Variants in APP observed in about 807,000 individuals in gnomAD.
The protein encoded by APP is amyloid-beta precursor protein.
In APP, 31 loss-of-function variants were observed where a neutral mutation model predicts 101.4. The observed-to-expected ratio is 0.31, with a 90% CI of 0.23 to 0.41. APP has a LOEUF of 0.41. Among genes scored for constraint, APP ranks in the 10% least tolerant of loss-of-function variants. The pLI, the probability that APP is intolerant of heterozygous loss-of-function variation, is 1.00. For synonymous variants in APP, 366 were observed against 364.4 expected (o/e 1.00, Z -0.05); for missense variants, 839 against 1,003.7 (o/e 0.84, Z 2.22).
chr21:25,975,355 T>C (rs2042187329), intron 10 of APP, 127 bp from the exon 11 acceptor site: 2 of 1,231,192 alleles, frequency 1.6e-6, no homozygotes, highest in East Asian at 2.4e-5. Context: ...AAAGACTGCA[T>C]AGTCATTCCA....
rs146370584 is a variant in APP at position 25,937,122 on chromosome 21, C to T, written c.1687+17468G>A. On this transcript the variant is annotated intron_variant, in intron 13 of 17. Transcript: ENST00000346798. ...TCCCAAGTTCTTCCTCCCTATCTTG[C>T]TTCATTACAGGCAGTGGGAAAAATC... 2.5e-3 allele frequency among the ~76,000 whole-genome samples: 385 copies of T among 152,236 alleles called. 1 individual carries two copies. Among genetic ancestry groups the T allele is most frequent in the South Asian group, 6.2e-3 (30 of 4,808 alleles).
chr21:26,025,646 G>A (rs537091991), intron 5 of APP, among the ~76,000 whole-genome samples: 1 of 152,268 alleles, frequency 6.6e-6, no homozygotes, highest in East Asian at 1.9e-4. Flanking sequence ...TCTGCATTCT[G>A]GTATGTGTCT....
At chr21:26,129,623 G>A (rs2062752939) in intron 1 of APP, among the ~76,000 whole-genome samples, 1 of 152,028 alleles carries the variant, frequency 6.6e-6, no homozygotes, top group African/African-American at 2.4e-5. Context: ...TCACATCCCT[G>A]GATTCCTAAA....
At chr21:25,965,144 T>C (rs1041549454) in intron 11 of APP, among the ~76,000 whole-genome samples, 6 of 152,212 alleles carry the variant, frequency 3.9e-5, no homozygotes, top group East Asian at 1.9e-4. Context: ...ATGTTTGGAC[T>C]TGTATGTCTT....
chr21:26,013,945 AG>A (rs1359859231), intron 6 of APP, among the ~76,000 whole-genome samples: 4 of 152,218 alleles, frequency 2.6e-5, no homozygotes. Flanking sequence ...ACAAAATAAC[AG>A]GCTGTTACCT....
At position 26,011,210 on chromosome 21, in the gene APP, G is replaced by A. The variant is rs2043792305; in HGVS notation, c.865+10630C>T. Among the ~76,000 whole-genome samples the A allele has an allele frequency of 2.6e-5, 4 of 152,074 alleles. No homozygotes were observed. The South Asian group carries it at 6.2e-4, about 24-fold the overall frequency. Reference sequence around the variant, plus strand: ...TTTGCCTCAGCCTCCCAAGTAGCTGGGATTATAGGCACCCATCATCATGCC... The same window carrying A: ...TTTGCCTCAGCCTCCCAAGTAGCTGAGATTATAGGCACCCATCATCATGCC... On this transcript the variant is annotated intron_variant, in intron 6 of 17. Coordinates refer to ENST00000346798, the MANE Select transcript of APP (RefSeq NM_000484.4).
chr21:25,903,828 G>A (rs1214157747), intron 15 of APP, among the ~76,000 whole-genome samples: 3 of 152,134 alleles, frequency 2.0e-5, no homozygotes, highest in Non-Finnish European at 4.4e-5. Flanking sequence ...ATAAATCAAC[G>A]AGACCAGCTG....
chr21:26,046,765 C>A (rs1165172613), intron 5 of APP, among the ~76,000 whole-genome samples: 2 of 152,140 alleles, frequency 1.3e-5, no homozygotes, highest in Non-Finnish European at 2.9e-5. Context: ...AATTCAGCAA[C>A]CCCCATGGAC....
At chr21:25,947,326 G>A (rs45529240) in intron 13 of APP, among the ~76,000 whole-genome samples, 720 of 1,504 alleles carry the variant, frequency 0.48, 8 homozygotes, top group African/African-American at 0.5. Flanking sequence ...GGGTGAGTTC[G>A]ACACCTGCAG....
At chr21:26,036,980 GTGTGTGTA>G (rs142616434) in intron 5 of APP, among the ~76,000 whole-genome samples, 16,322 of 152,070 alleles carry the variant, frequency 0.11, 1,152 homozygotes, top group East Asian at 0.3. Flanking sequence ...ATGTGTGTGT[GTGTGTGTA>G]TGTGTGTGTG....
chr21:26,094,496 TTAAA>T (rs1285842540), intron 2 of APP, among the ~76,000 whole-genome samples: 1 of 151,680 alleles, frequency 6.6e-6, no homozygotes, highest in Admixed American at 6.6e-5. Flanking sequence ...TAGGTTTTTA[TTAAA>T]TAACCCCAGT....
rs2036971460 is a variant in APP at position 25,881,341 on chromosome 21, T to A, written c.*329A>T. 5.2e-6 allele frequency: 2 copies of A among 385,390 alleles called. No homozygotes were observed. The highest frequency in any genetic ancestry group is 2.1e-5 in the African/African-American group (1 of 48,740). 23.9% of individuals were successfully genotyped at this position (385,390 alleles called of 1,614,324 possible). ...TGGGTCACAAACCACAAGAATAATA[T>A]ACAACTGGCTAAGGGGCTATGTGAT... On this transcript the variant is annotated 3_prime_UTR_variant, in exon 18 of 18. Transcript: ENST00000346798.
chr21:26,093,382 T>C (rs1387286114), intron 2 of APP, among the ~76,000 whole-genome samples: 2 of 152,154 alleles, frequency 1.3e-5, no homozygotes, highest in African/African-American at 4.8e-5. Flanking sequence ...CTGCTGAGAA[T>C]TTCCTCAGGA....
chr21:25,934,634 C>G (rs148626813), intron 13 of APP: 1 of 152,226 alleles, frequency 6.6e-6, no homozygotes, highest in Non-Finnish European at 1.5e-5. Context: ...CGGGGTTTCA[C>G]CATATTGGCC....
chr21:26,011,601 T>TA (rs2043810827), intron 6 of APP, among the ~76,000 whole-genome samples: 1 of 152,046 alleles, frequency 6.6e-6, no homozygotes, highest in South Asian at 2.1e-4. Flanking sequence ...ACATCAATAG[T>TA]ACTAAGGTCC....
At chr21:25,897,708 C>A (rs758863993) in intron 15 of APP, 35 bp from the exon 16 acceptor site, 2 of 1,543,420 alleles carry the variant, frequency 1.3e-6, no homozygotes, top group Non-Finnish European at 1.8e-6. Context: ...TGCAGGACAA[C>A]CAATTAGTTT....
At chr21:25,903,103 A>C (rs1299804499) in intron 15 of APP, among the ~76,000 whole-genome samples, 1 of 151,528 alleles carries the variant, frequency 6.6e-6, no homozygotes, top group East Asian at 1.9e-4. Context: ...CATGGTGCTT[A>C]TGCCTGTAAT....
At chr21:25,958,528 T>C (rs371166455) in intron 11 of APP, among the ~76,000 whole-genome samples, 27 of 147,610 alleles carry the variant, frequency 1.8e-4, no homozygotes, top group South Asian at 4.5e-4. Context: ...CTGCCCGCCT[T>C]GGCCTCCCAA....
intron 3 of APP, among the ~76,000 whole-genome samples, chr21:26,056,777 G>A (rs1013451333): frequency 6.6e-6 from 1 of 152,088 alleles, no homozygotes; most frequent in Non-Finnish European, 1.5e-5. Flanking sequence ...AAGCTCTCAG[G>A]ACTAATGGCA....
Sources: allele counts gnomAD v4.1 joint callset (sites outside exome capture counted in the v4.1 genomes callset), GRCh38; gene constraint gnomAD v4.1.1; transcripts MANE v1.5; gene names NCBI Gene and HGNC (gene_info 2026-07-23, HGNC 2026-07-21).